PCDH15: variants seen among roughly 807,000 people sequenced by gnomAD.
PCDH15 encodes the protein protocadherin related 15.
A neutral mutation model predicts 178.5 loss-of-function variants in PCDH15; 129 were observed. The observed-to-expected ratio is 0.72, with a 90% CI of 0.63 to 0.84. PCDH15 has a LOEUF of 0.84. Among genes scored for constraint, PCDH15 ranks in the 40% least tolerant of loss-of-function variants. PCDH15 has a pLI of 0.00. For missense variants in PCDH15, 2,230 were observed against 2,099.9 expected, an observed-to-expected ratio of 1.06 and a Z score of -1.21; for synonymous variants, 800 against 732.0, an observed-to-expected ratio of 1.09 and a Z score of -1.50.
intron 3 of PCDH15, among the ~76,000 whole-genome samples, chr10:54,412,505 T>G (rs1414307977): frequency 6.6e-6 from 1 of 152,138 alleles, no homozygotes; most frequent in Non-Finnish European, 1.5e-5. Flanking sequence ...GTTCTCTCAA[T>G]TCCTCAGAGG....
chr10:55,190,083 A>G (rs1839902670), intron 1 of PCDH15, among the ~76,000 whole-genome samples: 1 of 151,810 alleles, frequency 6.6e-6, no homozygotes, highest in Non-Finnish European at 1.5e-5. Flanking sequence ...AAAGAGCTAC[A>G]GATACACAAA....
chr10:54,340,729 T>C (rs893999793), intron 6 of PCDH15, among the ~76,000 whole-genome samples: 1 of 152,150 alleles, frequency 6.6e-6, no homozygotes, highest in Non-Finnish European at 1.5e-5. Flanking sequence ...GGGGGTTTTC[T>C]ACATTGGCAT....
chr10:53,808,221 G>T (rs559423923), intron 37 of PCDH15: 3 of 178,188 alleles, frequency 1.7e-5, no homozygotes, highest in Non-Finnish European at 3.2e-5. Flanking sequence ...TTTGCCAGTT[G>T]AAACGTACAT....
intron 8 of PCDH15, among the ~76,000 whole-genome samples, chr10:54,296,936 G>A (rs539511385): frequency 4.1e-4 from 62 of 152,252 alleles, no homozygotes; most frequent in African/African-American, 1.5e-3. Context: ...ACTCTAACAG[G>A]TTTTCTAGAA....
intron 1 of PCDH15, among the ~76,000 whole-genome samples, chr10:54,724,781 A>G (rs1325545716): frequency 6.6e-6 from 1 of 151,200 alleles, no homozygotes; most frequent in South Asian, 2.1e-4. Flanking sequence ...GTGTTAGTAT[A>G]CATATATACA....
chr10:54,460,737 TA>T (rs949708992), intron 3 of PCDH15, among the ~76,000 whole-genome samples: 1 of 152,082 alleles, frequency 6.6e-6, no homozygotes, highest in Non-Finnish European at 1.5e-5. Flanking sequence ...TGGTGGCATT[TA>T]ATGAGATAAG....
intron 21 of PCDH15, among the ~76,000 whole-genome samples, chr10:53,966,791 C>A (rs1226299386): frequency 2.0e-5 from 3 of 151,384 alleles, no homozygotes; most frequent in Non-Finnish European, 2.9e-5. Flanking sequence ...ATAAAACTCA[C>A]CCTTATTAGT....
At chr10:54,780,327 C>A (rs372994078) in intron 1 of PCDH15, among the ~76,000 whole-genome samples, 1 of 152,074 alleles carries the variant, frequency 6.6e-6, no homozygotes, top group African/African-American at 2.4e-5. Flanking sequence ...CATTTACTAA[C>A]GTAAATACAA....
intron 8 of PCDH15, among the ~76,000 whole-genome samples, chr10:54,311,862 TTTA>T (rs917296064): frequency 2.6e-5 from 4 of 152,198 alleles, no homozygotes; most frequent in Non-Finnish European, 4.4e-5. Context: ...GATTTTTATT[TTTA>T]TTATATCATA....
chr10:54,815,549 A>C (rs77692585), intron 3 of PCDH15, among the ~76,000 whole-genome samples: 1 of 152,072 alleles, frequency 6.6e-6, no homozygotes, highest in African/African-American at 2.4e-5. Flanking sequence ...TCAGCAGTTC[A>C]TCTCTCCAGT....
chr10:54,981,936 C>CTTTTTT (rs879372543), intron 2 of PCDH15, among the ~76,000 whole-genome samples: 25 of 145,226 alleles, frequency 1.7e-4, no homozygotes, highest in Admixed American at 1.2e-3. Context: ...TTTTGTTTTC[C>CTTTTTT]TTTTTTTTTT....
intron 1 of PCDH15, among the ~76,000 whole-genome samples, chr10:55,315,799 C>T (rs777110430): frequency 6.6e-6 from 1 of 152,062 alleles, no homozygotes; most frequent in Non-Finnish European, 1.5e-5. Flanking sequence ...AGGCAGATCA[C>T]GAGGTCAGAA....
chr10:55,077,398 T>TCTTCCTTCCTTCCTTCCTTC lies in PCDH15; in HGVS notation c.-80+89158_-80+89177dup, dbSNP rs58045517. ...GTCCCTATGGTTTGGTGGTTTTCTCTCTTCCTTCCTTCCTTCCTTCCTTCC... is the reference window on the plus strand; with the variant it reads ...GTCCCTATGGTTTGGTGGTTTTCTCTCTTCCTTCCTTCCTTCCTTCCTTCCTTCCTTCCTTCCTTCCTTCC... On this transcript the variant is annotated intron_variant, in intron 2 of 5. Coordinates refer to the PCDH15 transcript ENST00000458638. Among the ~76,000 whole-genome samples the TCTTCCTTCCTTCCTTCCTTC allele has an allele frequency of 6.7e-3, 925 of 137,558 alleles. 17 individuals carry two copies. Among genetic ancestry groups the TCTTCCTTCCTTCCTTCCTTC allele is most frequent in the African/African-American group, 0.021 (713 of 34,266 alleles). 90.2% of individuals were successfully genotyped at this position (137,558 alleles called of 152,430 possible).
At chr10:54,029,553 T>C (rs2093229235) in intron 18 of PCDH15, among the ~76,000 whole-genome samples, 1 of 152,158 alleles carries the variant, frequency 6.6e-6, no homozygotes. Context: ...GACAGAACTT[T>C]GAATAATTGC....
intron 2 of PCDH15, among the ~76,000 whole-genome samples, chr10:54,536,700 T>A (rs2084569444): frequency 1.3e-5 from 2 of 152,152 alleles, no homozygotes; most frequent in Non-Finnish European, 2.9e-5. Context: ...CTTATGCCCA[T>A]GGCTATGCAA....
intron 2 of PCDH15, among the ~76,000 whole-genome samples, chr10:55,104,434 G>C (rs1396696320): frequency 6.6e-6 from 1 of 151,880 alleles, no homozygotes; most frequent in Non-Finnish European, 1.5e-5. Flanking sequence ...CCTTCCTTTT[G>C]CTTTAAGTTG....
chr10:54,467,615 T>G (rs919986910), intron 3 of PCDH15, among the ~76,000 whole-genome samples: 1 of 147,744 alleles, frequency 6.8e-6, no homozygotes, highest in Non-Finnish European at 1.5e-5. Context: ...TTTTTTTTTT[T>G]TTTTTTTTTT....
At chr10:55,029,315 T>C (rs1840552973) in intron 2 of PCDH15, among the ~76,000 whole-genome samples, 1 of 152,022 alleles carries the variant, frequency 6.6e-6, no homozygotes, top group East Asian at 1.9e-4. Context: ...GTGTATAATA[T>C]ACATATATAT....
In PCDH15 at chr10:54,132,862, C is replaced by CACACA; in HGVS notation, c.1917+12_1917+13insTGTGT. ...TTATACACACACACACACACACACA[C>CACACA]CAAGGAACATACCTGTAGATTTAAT... On this transcript the variant is annotated intron_variant, in intron 15 of 37. Coordinates refer to ENST00000644397, the MANE Select transcript of PCDH15 (RefSeq NM_001384140.1). 1.2e-6 allele frequency: 2 copies of CACACA among 1,604,342 alleles called. No individual in the cohort carries two copies. Among genetic ancestry groups the CACACA allele is most frequent in the Non-Finnish European group, 1.7e-6 (2 of 1,175,256 alleles).
Sources: gnomAD v4.1 joint callset for allele counts (sites outside exome capture counted in the v4.1 genomes callset) on GRCh38, gnomAD v4.1.1 for gene constraint, MANE v1.5 for transcripts, NCBI Gene and HGNC (gene_info 2026-07-23, HGNC 2026-07-21) for gene names.